Variants in LONP2 observed in about 807,000 individuals in gnomAD.
LONP2 encodes the protein lon peptidase 2, peroxisomal.
LONP2 carries 60 observed loss-of-function variants against 85.6 expected under a neutral mutation model. The ratio of observed to expected loss-of-function variants is 0.70; its 90% CI spans 0.57 to 0.87. The LOEUF (loss-of-function observed/expected upper bound fraction) is 0.87. Among genes scored for constraint, LONP2 ranks in the 40% least tolerant of loss-of-function variants. The probability of loss-of-function intolerance (pLI) is 0.00; values close to 1 mark genes in which losing one functional copy is unlikely to be tolerated. For synonymous variants in LONP2, 395 were observed against 389.7 expected, an observed-to-expected ratio of 1.01 and a Z score of -0.16; for missense variants, 860 against 1,063.5, an observed-to-expected ratio of 0.81 and a Z score of 2.66.
At chr16:48,313,438 C>G (rs112576085) in intron 11 of LONP2, among the ~76,000 whole-genome samples, 2,402 of 152,152 alleles carry the variant, frequency 0.016, 55 homozygotes, top group African/African-American at 0.053. Context: ...GGTATTAAGC[C>G]CAGCATCCAT....
At chr16:48,269,414 A>C (rs1261161925) in intron 6 of LONP2, among the ~76,000 whole-genome samples, 1 of 152,160 alleles carries the variant, frequency 6.6e-6, no homozygotes, top group Non-Finnish European at 1.5e-5. Context: ...TAACCATAGA[A>C]TGTTACTGAT....
At chr16:48,287,113 C>G (rs1972459627) in intron 8 of LONP2, among the ~76,000 whole-genome samples, 1 of 152,176 alleles carries the variant, frequency 6.6e-6, no homozygotes, top group Non-Finnish European at 1.5e-5. Flanking sequence ...GACAGTAGCT[C>G]TCCCACTCCT....
At position 48,314,854 on chromosome 16, in the gene LONP2, A is replaced by G. The variant is rs553002419; in HGVS notation, c.1795+11549A>G. ...CAATGCAATATTGGCCTCCTGTTCA[A>G]CAAACTTGCCACATTCACTTATTAA... On this transcript the variant is annotated intron_variant, in intron 11 of 14. Transcript: ENST00000285737. Among the ~76,000 whole-genome samples the G allele has an allele frequency of 5.9e-5, 9 of 152,312 alleles. No individual in the cohort carries two copies. In the East Asian group the frequency reaches 1.7e-3, roughly 29 times the overall value.
downstream of LONP2, among the ~76,000 whole-genome samples, chr16:48,357,978 C>T (rs1180699695): frequency 2.0e-5 from 3 of 152,126 alleles, no homozygotes; most frequent in Non-Finnish European, 2.9e-5. Context: ...TCTCCCATAC[C>T]TACCCCATGT....
At chr16:48,257,682 CAT>C (rs769194313) in intron 3 of LONP2, among the ~76,000 whole-genome samples, 3 of 152,158 alleles carry the variant, frequency 2.0e-5, no homozygotes, top group African/African-American at 4.8e-5. Flanking sequence ...ACAGCTCTTT[CAT>C]ATGTTATCAG....
chr16:48,270,017 CCG>C lies in LONP2; in HGVS notation c.986_987del (p.Arg329ProfsTer4). ...TATTTCTGTTGGGTTATTTGACAGA[CCG>C]CCTGGACATTAGGGCAGCCCGGATT... The part of the protein sequence containing the change: ...ELPWNKSTTD[R>X]LDIRAARILL... On this transcript the variant is annotated frameshift_variant and splice_region_variant, in exon 7 of 15. Coordinates refer to ENST00000285737, the MANE Select transcript of LONP2 (RefSeq NM_031490.5). LOFTEE classifies it high-confidence loss of function. 1 of 1,611,776 alleles carries C rather than the reference CCG, an allele frequency of 6.2e-7. No homozygotes were observed. The highest frequency in any genetic ancestry group is 1.3e-5 in the African/African-American group (1 of 74,842).
At chr16:48,346,617 T>C (rs1163958954) in intron 12 of LONP2, among the ~76,000 whole-genome samples, 2 of 152,066 alleles carry the variant, frequency 1.3e-5, no homozygotes, top group African/African-American at 4.8e-5. Flanking sequence ...CCCTTCTCAC[T>C]TTTCTTTTCA....
chr16:48,318,299 A>T (rs936685231), intron 11 of LONP2, among the ~76,000 whole-genome samples: 4 of 152,128 alleles, frequency 2.6e-5, no homozygotes, highest in Non-Finnish European at 5.9e-5. Context: ...AGGGCAGATC[A>T]CTTGAGGTCA....
intron 1 of LONP2, among the ~76,000 whole-genome samples, chr16:48,250,936 A>G (rs1156460126): frequency 6.6e-6 from 1 of 152,198 alleles, no homozygotes; most frequent in Non-Finnish European, 1.5e-5. Flanking sequence ...TCACCAATTT[A>G]TCTTCTCAGT....
In LONP2 at chr16:48,271,174, TCAAA is replaced by T. The variant is rs112143182; in HGVS notation, c.1241+920_1241+923del. On this transcript the variant is annotated intron_variant, in intron 7 of 14. Transcript: ENST00000285737. ...CCAGCCTGGAGACAGAGACATTATCTCAAACAAACAAACAAACAAACAACAACAA... is the reference window on the plus strand; with the variant it reads ...CCAGCCTGGAGACAGAGACATTATCTCAAACAAACAAACAAACAACAACAA... Among the ~76,000 whole-genome samples the T allele has an allele frequency of 6.5e-3, 982 of 152,058 alleles. 3 individuals are homozygous for T. The highest frequency in any genetic ancestry group is 0.016 in the African/African-American group (677 of 41,436).
rs752547615 is a variant in LONP2 at position 48,334,456 on chromosome 16, G to A, written c.1938+98G>A. The A allele has an allele frequency of 2.4e-5, 35 of 1,433,216 alleles. No homozygotes were observed. In the South Asian group the frequency reaches 3.6e-4, roughly 15 times the overall value. 88.8% of individuals were successfully genotyped at this position (1,433,216 alleles called of 1,614,324 possible). On this transcript the variant is annotated intron_variant, in intron 12 of 14. Transcript: ENST00000285737. ...GGGCCTGGGCAGGAGGCTGCCCTTT[G>A]GGGAAGGAATAGCCTTATTCGACCT...
intron 1 of LONP2, among the ~76,000 whole-genome samples, chr16:48,248,202 A>G (rs758435359): frequency 6.6e-6 from 1 of 151,644 alleles, no homozygotes; most frequent in Non-Finnish European, 1.5e-5. Context: ...GCTCACTGCA[A>G]CCTTTGCCTC....
At chr16:48,314,553 T>C (rs2151010391) in intron 11 of LONP2, among the ~76,000 whole-genome samples, 1 of 152,304 alleles carries the variant, frequency 6.6e-6, no homozygotes, top group Middle Eastern at 3.4e-3. Flanking sequence ...CCCAGCACCA[T>C]TTATTAAATA....
intron 12 of LONP2, among the ~76,000 whole-genome samples, chr16:48,340,697 C>T (rs377274337): frequency 7.2e-5 from 11 of 152,308 alleles, no homozygotes; most frequent in East Asian, 1.9e-4. Context: ...CAGTGGCTCA[C>T]GCCTGTAAAT....
chr16:48,281,488 A>G (rs1003519190), intron 8 of LONP2, among the ~76,000 whole-genome samples: 1 of 152,192 alleles, frequency 6.6e-6, no homozygotes, highest in African/African-American at 2.4e-5. Flanking sequence ...TATTAGATAT[A>G]AGGAAAGTAA....
At chr16:48,313,789 A>G (rs1167836780) in intron 11 of LONP2, among the ~76,000 whole-genome samples, 3 of 152,006 alleles carry the variant, frequency 2.0e-5, no homozygotes, top group African/African-American at 7.2e-5. Context: ...CAATGAATAT[A>G]TATAAATCAT....
intron 7 of LONP2, among the ~76,000 whole-genome samples, chr16:48,276,423 CT>C (rs1972210147): frequency 6.6e-6 from 1 of 152,152 alleles, no homozygotes; most frequent in Admixed American, 6.5e-5. Context: ...GGCAGTCAGG[CT>C]TTTATGCCTT....
chr16:48,357,891 C>A (rs2151040797), downstream of LONP2, among the ~76,000 whole-genome samples: 1 of 152,292 alleles, frequency 6.6e-6, no homozygotes, highest in African/African-American at 2.4e-5. Context: ...AAAATTAACA[C>A]ACCAAACTGG....
chr16:48,326,734 T>C (rs1309185722), intron 11 of LONP2, among the ~76,000 whole-genome samples: 1 of 152,204 alleles, frequency 6.6e-6, no homozygotes, highest in South Asian at 2.1e-4. Context: ...TTTTTTATTT[T>C]TTAACAGAGA....
Sources: allele counts gnomAD v4.1 joint callset (sites outside exome capture counted in the v4.1 genomes callset), GRCh38; gene constraint gnomAD v4.1.1; transcripts MANE v1.5; gene names NCBI Gene and HGNC (gene_info 2026-07-23, HGNC 2026-07-21).